Variants in R3HDM1 observed in about 807,000 individuals in gnomAD.
R3HDM1 encodes R3H domain-containing protein 1.
R3HDM1 carries 46 observed loss-of-function variants against 141.1 expected under a neutral mutation model. The ratio of observed to expected loss-of-function variants is 0.33; its 90% CI spans 0.26 to 0.42. R3HDM1 has a LOEUF of 0.42. R3HDM1 is among the 10% of genes least tolerant of loss of function. The pLI is 1.00. For synonymous variants in R3HDM1, 435 were observed against 472.9 expected (o/e 0.92, Z 1.04); for missense variants, 1,184 against 1,368.3 (o/e 0.87, Z 2.12).
intron 1 of R3HDM1, among the ~76,000 whole-genome samples, chr2:135,595,224 T>C (rs377328774): frequency 5.3e-5 from 8 of 152,182 alleles, no homozygotes; most frequent in Admixed American, 5.2e-4. Flanking sequence ...CTCCCAGATA[T>C]ATTTCCTATA....
intron 24 of R3HDM1, among the ~76,000 whole-genome samples, chr2:135,715,997 C>T (rs966547216): frequency 1.3e-5 from 2 of 152,136 alleles, no homozygotes; most frequent in Non-Finnish European, 1.5e-5. Flanking sequence ...TACATTTTTT[C>T]GGTATTTTAA....
intron 1 of R3HDM1, among the ~76,000 whole-genome samples, chr2:135,537,351 T>G (rs1696410931): frequency 1.5e-5 from 2 of 134,422 alleles, no homozygotes; most frequent in East Asian, 5.0e-4. Flanking sequence ...AGTGGCGCAA[T>G]CTCGGCCTAC....
At chr2:135,554,946 A>G (rs1700446415) in intron 1 of R3HDM1, among the ~76,000 whole-genome samples, 1 of 152,204 alleles carries the variant, frequency 6.6e-6, no homozygotes, top group Non-Finnish European at 1.5e-5. Flanking sequence ...GTCCTAGCAA[A>G]TAGGCAAACT....
At chr2:135,584,327 A>T in intron 1 of R3HDM1, 2 of 867,802 alleles carry the variant, frequency 2.3e-6, no homozygotes, top group Non-Finnish European at 1.4e-6. Flanking sequence ...GATTCCGTCT[A>T]AAATAAATAA....
intron 21 of R3HDM1, among the ~76,000 whole-genome samples, chr2:135,700,667 GAGA>G (rs2074068934): frequency 6.6e-6 from 1 of 152,132 alleles, no homozygotes; most frequent in Admixed American, 6.6e-5. Flanking sequence ...ATTATTGCTT[GAGA>G]AGAATACACT....
At chr2:135,608,085 G>T (rs2060230082) in intron 3 of R3HDM1, 4 of 629,446 alleles carry the variant, frequency 6.4e-6, no homozygotes, top group Non-Finnish European at 7.9e-6. Context: ...GGAGGCCAAG[G>T]TGGGCGGGTC....
chr2:135,541,880 GAA>G (rs1171479957), intron 1 of R3HDM1, among the ~76,000 whole-genome samples: 1 of 143,496 alleles, frequency 7.0e-6, no homozygotes, highest in South Asian at 2.2e-4. Context: ...AAGAAAGAAA[GAA>G]AGAGAAAAGC....
chr2:135,599,389 A>G (rs1052213820), intron 1 of R3HDM1, among the ~76,000 whole-genome samples: 9 of 152,202 alleles, frequency 5.9e-5, no homozygotes, highest in Non-Finnish European at 4.4e-5. Context: ...AATAGTAGGA[A>G]CTGAGATATA....
At chr2:135,637,873 T>C (rs1178245817) in intron 11 of R3HDM1, among the ~76,000 whole-genome samples, 2 of 152,192 alleles carry the variant, frequency 1.3e-5, no homozygotes, top group Admixed American at 1.3e-4. Flanking sequence ...TTTTAGGCAT[T>C]GTGAGCCACA....
At chr2:135,699,075 T>TAGATAGA (rs1553630332) in intron 21 of R3HDM1, among the ~76,000 whole-genome samples, 1,328 of 131,458 alleles carry the variant, frequency 0.01, 41 homozygotes, top group Middle Eastern at 0.019. Flanking sequence ...ATTAGATAGA[T>TAGATAGA]TAGATAGATA....
intron 19 of R3HDM1, among the ~76,000 whole-genome samples, chr2:135,664,049 A>C (rs2067136501): frequency 6.6e-6 from 1 of 151,506 alleles, no homozygotes; most frequent in Non-Finnish European, 1.5e-5. Context: ...AAAAAAAAAA[A>C]CTTAACAGAA....
intron 1 of R3HDM1, among the ~76,000 whole-genome samples, chr2:135,587,623 C>T (rs906010247): frequency 6.6e-6 from 1 of 151,918 alleles, no homozygotes; most frequent in Non-Finnish European, 1.5e-5. Flanking sequence ...TATTTTTAAG[C>T]CTCAGATTTT....
At chr2:135,568,510 G>T (rs1378691695) in intron 1 of R3HDM1, among the ~76,000 whole-genome samples, 1 of 151,390 alleles carries the variant, frequency 6.6e-6, no homozygotes, top group African/African-American at 2.4e-5. Flanking sequence ...CACTACACCC[G>T]GCTAATTTTT....
At chr2:135,552,551 T>G (rs2104932487) in intron 1 of R3HDM1, among the ~76,000 whole-genome samples, 1 of 152,310 alleles carries the variant, frequency 6.6e-6, no homozygotes, top group East Asian at 1.9e-4. Flanking sequence ...CAGTGATAGC[T>G]TCACAATTTC....
intron 1 of R3HDM1, among the ~76,000 whole-genome samples, chr2:135,532,954 A>C (rs1695248697): frequency 6.6e-6 from 1 of 152,230 alleles, no homozygotes; most frequent in African/African-American, 2.4e-5. Flanking sequence ...ATAAAATTCT[A>C]GGCCCATTTC....
intron 1 of R3HDM1, chr2:135,590,792 AGAT>A: frequency 3.3e-6 from 3 of 919,844 alleles, no homozygotes; most frequent in Non-Finnish European, 3.9e-6. Context: ...GTATGAAGGC[AGAT>A]GATGGCAACT....
At chr2:135,587,882 C>T (rs753239331) in intron 1 of R3HDM1, among the ~76,000 whole-genome samples, 1 of 151,748 alleles carries the variant, frequency 6.6e-6, no homozygotes, top group Non-Finnish European at 1.5e-5. Context: ...TCTCATCTCT[C>T]CCTCCATCTT....
At chr2:135,667,261 C>A in intron 19 of R3HDM1, 1 of 924,402 alleles carries the variant, frequency 1.1e-6, no homozygotes, top group Non-Finnish European at 1.3e-6. Flanking sequence ...CAGGGAAGTT[C>A]CTGAACCATC....
chr2:135,683,583 A>G (rs2070736538), intron 21 of R3HDM1, among the ~76,000 whole-genome samples: 1 of 151,724 alleles, frequency 6.6e-6, no homozygotes, highest in Admixed American at 6.6e-5. Flanking sequence ...TTCATTAAAG[A>G]TCTCTTTGGG....
Sources: gnomAD v4.1 joint callset for allele counts (sites outside exome capture counted in the v4.1 genomes callset) on GRCh38, gnomAD v4.1.1 for gene constraint, MANE v1.5 for transcripts, NCBI Gene and HGNC (gene_info 2026-07-23, HGNC 2026-07-21) for gene names.